Variants in LRP1B observed in about 807,000 individuals in gnomAD.
LRP1B encodes the protein LDL receptor related protein 1B.
Under a neutral mutation model 556.6 loss-of-function variants are expected in LRP1B, and 217 were observed. The observed-to-expected ratio is 0.39, with a 90% CI of 0.35 to 0.44. LRP1B has a LOEUF of 0.44. LRP1B is among the 20% of genes least tolerant of loss of function. The pLI, the probability that LRP1B is intolerant of heterozygous loss-of-function variation, is 1.00. For missense variants in LRP1B, 5,053 were observed against 5,620.8 expected (o/e 0.90, Z 3.23); for synonymous variants, 2,047 against 1,865.8 (o/e 1.10, Z -2.50).
intron 41 of LRP1B, among the ~76,000 whole-genome samples, chr2:140,665,172 A>G (rs1031849054): frequency 6.6e-6 from 1 of 152,188 alleles, no homozygotes; most frequent in African/African-American, 2.4e-5. Flanking sequence ...TAATTGCACA[A>G]TGTCAAAATG....
chr2:140,514,681 A>G lies in LRP1B; in HGVS notation c.8241T>C (p.Asp2747=), dbSNP rs1291259076. Residue 2747 remains aspartate, a synonymous_variant, in exon 51 of 91, where the codon GAT becomes GAC. Transcript: ENST00000389484. Reference sequence around the variant, plus strand: ...AAATGCTGTCACTTTCATCTAACCCATCCCCACAGTCATCTTCTCCATCAC... The same window carrying G: ...AAATGCTGTCACTTTCATCTAACCCGTCCCCACAGTCATCTTCTCCATCAC... ...WICDGEDDCG[D]GLDESDSICG... 1.2e-6 allele frequency: 2 copies of G among 1,612,172 alleles called. No homozygotes were observed. The highest frequency in any genetic ancestry group is 1.7e-6 in the Non-Finnish European group (2 of 1,178,782).
chr2:141,017,790 T>C (rs149843789), intron 12 of LRP1B, among the ~76,000 whole-genome samples: 1,560 of 148,640 alleles, frequency 0.01, 29 homozygotes, highest in African/African-American at 0.035. Flanking sequence ...AGCCCAGGAG[T>C]TTGAGACCAG....
chr2:142,130,767 C>T lies in LRP1B; in HGVS notation c.-38G>A, dbSNP rs1412717894. The T allele has an allele frequency of 2.6e-6, 4 of 1,564,004 alleles. No individual in the cohort carries two copies. The highest frequency in any genetic ancestry group is 2.7e-5 in the African/African-American group (2 of 73,434). On this transcript the variant is annotated 5_prime_UTR_variant, in exon 1 of 91. Transcript: ENST00000389484. ...GTAAGGAAGCCTGCGCTGGAGACTG[C>T]TCGGCGGCACCTTCGGCCCGGCGGC...
chr2:141,577,317 GACC>G (rs1226272700), intron 2 of LRP1B, among the ~76,000 whole-genome samples: 30 of 152,218 alleles, frequency 2.0e-4, no homozygotes, highest in African/African-American at 7.0e-4. Flanking sequence ...CAATAGGGGT[GACC>G]TACACTACCA....
intron 1 of LRP1B, among the ~76,000 whole-genome samples, chr2:141,839,523 G>C (rs1697395798): frequency 6.6e-6 from 1 of 152,126 alleles, no homozygotes; most frequent in African/African-American, 2.4e-5. Context: ...ATCTTCTCTT[G>C]TGGCTAGTCA....
intron 41 of LRP1B, among the ~76,000 whole-genome samples, chr2:140,615,539 C>G (rs990018256): frequency 2.0e-5 from 3 of 152,122 alleles, no homozygotes; most frequent in African/African-American, 7.2e-5. Context: ...CAAAGCCCAA[C>G]ATGACTTGGT....
chr2:141,507,700 TA>T (rs144217137), intron 2 of LRP1B, among the ~76,000 whole-genome samples: 4,790 of 152,248 alleles, frequency 0.031, 271 homozygotes, highest in African/African-American at 0.11. Flanking sequence ...GCTGTAGCTT[TA>T]AAAAAATATT....
At chr2:141,809,488 A>G (rs1347010052) in intron 2 of LRP1B, among the ~76,000 whole-genome samples, 1 of 151,990 alleles carries the variant, frequency 6.6e-6, no homozygotes, top group Non-Finnish European at 1.5e-5. Flanking sequence ...AATTCTAGAA[A>G]TATCACTATC....
Position 140,541,768 on chromosome 2 carries a change from T to C in LRP1B, c.7387+11A>G, listed in dbSNP as rs763201698. 5 of 1,598,358 alleles carry C rather than the reference T, an allele frequency of 3.1e-6. No homozygotes were observed. In the South Asian group the frequency reaches 5.6e-5, roughly 18 times the overall value. ...AATGAAAAAACACATTTGCTTTCTA[T>C]TATAACTTACAGCTATTGGTGTCAT... On this transcript the variant is annotated intron_variant, in intron 44 of 90. Transcript: ENST00000389484.
intron 35 of LRP1B, among the ~76,000 whole-genome samples, chr2:140,764,415 C>A (rs888442120): frequency 1.3e-5 from 2 of 152,042 alleles, no homozygotes. Context: ...TAGTATATGG[C>A]CCCTTGATCT....
At chr2:141,669,058 T>A (rs1313171569) in intron 2 of LRP1B, among the ~76,000 whole-genome samples, 2 of 152,076 alleles carry the variant, frequency 1.3e-5, no homozygotes, top group Non-Finnish European at 2.9e-5. Context: ...CTCCCAAAAT[T>A]CATATATTCA....
intron 1 of LRP1B, among the ~76,000 whole-genome samples, chr2:142,077,627 C>T (rs1035994533): frequency 1.3e-5 from 2 of 152,002 alleles, no homozygotes; most frequent in African/African-American, 2.4e-5. Flanking sequence ...TGTTATTATT[C>T]ACAAATTCAA....
At chr2:141,793,933 T>C (rs13421628) in intron 2 of LRP1B, among the ~76,000 whole-genome samples, 6,352 of 151,960 alleles carry the variant, frequency 0.042, 185 homozygotes, top group Middle Eastern at 0.082. Context: ...GTTAACTAAG[T>C]AGTTTTGGTT....
intron 2 of LRP1B, among the ~76,000 whole-genome samples, chr2:141,780,202 T>C (rs944200680): frequency 2.1e-4 from 32 of 152,102 alleles, no homozygotes; most frequent in Admixed American, 1.8e-3. Context: ...TTAAAAGTCA[T>C]TTATCCAAAT....
intron 1 of LRP1B, among the ~76,000 whole-genome samples, chr2:141,893,254 G>A (rs1699344904): frequency 6.6e-6 from 1 of 152,138 alleles, no homozygotes; most frequent in South Asian, 2.1e-4. Flanking sequence ...AGTCTGGAGT[G>A]GAAGGGCACG....
chr2:141,928,495 G>A lies in LRP1B; in HGVS notation c.83-118094C>T, dbSNP rs1418274489. On this transcript the variant is annotated intron_variant, in intron 1 of 90. Transcript: ENST00000389484. ...CTGAATACTGTATATTTTGTAATTT[G>A]TTAATGCTTATATTGTTCTTTCAAA... Among the ~76,000 whole-genome samples, 5 of 152,058 alleles carry A rather than the reference G, an allele frequency of 3.3e-5. No homozygotes were observed. In the East Asian group the frequency reaches 7.7e-4, roughly 24 times the overall value.
intron 35 of LRP1B, among the ~76,000 whole-genome samples, chr2:140,723,468 GAAAGTT>G (rs1273634744): frequency 6.6e-6 from 1 of 152,056 alleles, no homozygotes; most frequent in Non-Finnish European, 1.5e-5. Context: ...GAGTCATCAA[GAAAGTT>G]AAAGAAAGAA....
chr2:141,909,533 T>A (rs1222561387), intron 1 of LRP1B, among the ~76,000 whole-genome samples: 3 of 47,664 alleles, frequency 6.3e-5, no homozygotes, highest in Non-Finnish European at 1.0e-4. Context: ...GACATTTTTT[T>A]TTTTTTTTTT....
At chr2:140,782,862 G>A (rs1256598440) in intron 32 of LRP1B, among the ~76,000 whole-genome samples, 4 of 152,134 alleles carry the variant, frequency 2.6e-5, no homozygotes, top group Non-Finnish European at 5.9e-5. Context: ...GCGATATGAT[G>A]TGTTAACACA....
Sources: allele counts gnomAD v4.1 joint callset (sites outside exome capture counted in the v4.1 genomes callset), GRCh38; gene constraint gnomAD v4.1.1; transcripts MANE v1.5; gene names NCBI Gene and HGNC (gene_info 2026-07-23, HGNC 2026-07-21).